CPAMD8: variants seen among roughly 807,000 people sequenced by gnomAD.
CPAMD8 encodes C3 and PZP-like alpha-2-macroglobulin domain-containing protein 8.
In CPAMD8, 146 loss-of-function variants were observed where a neutral mutation model predicts 224.7. The observed-to-expected ratio is 0.65, with a 90% CI of 0.57 to 0.75. The LOEUF is 0.75. Among genes scored for constraint, CPAMD8 ranks in the 30% least tolerant of loss-of-function variants. CPAMD8 has a pLI of 0.00. For synonymous variants in CPAMD8, 966 were observed against 1,044.6 expected, an observed-to-expected ratio of 0.92 and a Z score of 1.45; for missense variants, 2,301 against 2,537.5, an observed-to-expected ratio of 0.91 and a Z score of 2.00.
Position 16,903,779 on chromosome 19 carries a change from G to A in CPAMD8, c.4330C>T (p.Leu1444=). The change falls in exon 33 of 42, where the codon CTG becomes TTG. Residue 1444 remains leucine, a synonymous_variant. Transcript: ENST00000443236. ...TGGTAGTCCAGGTTGGTGGAGGCCA[G>A]GGAGACAGTGAGGTTGATGCCTCCA... ...YAGGINLTVS[L]ASTNLDYQET... 6.2e-7 allele frequency: 1 copy of A among 1,614,142 alleles called. No individual in the cohort carries two copies. Among genetic ancestry groups the A allele is most frequent in the Non-Finnish European group, 8.5e-7 (1 of 1,179,976 alleles).
intron 23 of CPAMD8, among the ~76,000 whole-genome samples, chr19:16,935,735 A>T (rs2053664023): frequency 6.6e-6 from 1 of 152,186 alleles, no homozygotes; most frequent in African/African-American, 2.4e-5. Flanking sequence ...GTGTGAACAT[A>T]AGTCTTTGTT....
In CPAMD8 at chr19:17,012,326, TTTTCTTTC is replaced by T. The variant is rs371903606; in HGVS notation, c.268-577_268-570del. 1.7e-3 allele frequency among the ~76,000 whole-genome samples: 245 copies of T among 145,494 alleles called. 1 individual carries two copies. Among genetic ancestry groups the T allele is most frequent in the East Asian group, 3.0e-3 (15 of 4,968 alleles). ...GAGCCATTGCACCCGGCCATATCTT[TTTTCTTTC>T]TTTCTTTCTTTCTTTCTTTTTTTTT... On this transcript the variant is annotated intron_variant, in intron 3 of 41. Transcript: ENST00000443236.
chr19:16,938,316 A>G (rs1344291750), intron 23 of CPAMD8, 79 bp downstream of exon 23: 8 of 698,266 alleles, frequency 1.1e-5, no homozygotes, highest in Non-Finnish European at 1.9e-5. Flanking sequence ...CAGCCCCCAC[A>G]GTGTGGGAAA....
chr19:16,952,851 T>C (rs1374994970), intron 19 of CPAMD8, among the ~76,000 whole-genome samples: 1 of 152,242 alleles, frequency 6.6e-6, no homozygotes, highest in Non-Finnish European at 1.5e-5. Context: ...CTTTTTATTT[T>C]ATTTTATTTT....
At chr19:16,893,733 T>G (rs1210652748) in intron 41 of CPAMD8, 1 of 185,308 alleles carries the variant, frequency 5.4e-6, no homozygotes, top group African/African-American at 2.3e-5. Flanking sequence ...GAACTCACGG[T>G]GAGGAAGCAC....
chr19:16,897,631 G>C, intron 39 of CPAMD8, 60 bp downstream of exon 39: 1 of 958,552 alleles, frequency 1.0e-6, no homozygotes, highest in Non-Finnish European at 1.5e-6. Flanking sequence ...TGGCGTCCGA[G>C]GGTGGGAGTC....
At chr19:16,951,295 G>A (rs757050434) in intron 20 of CPAMD8, among the ~76,000 whole-genome samples, 9 of 152,004 alleles carry the variant, frequency 5.9e-5, no homozygotes, top group South Asian at 2.1e-4. Context: ...AGGCCAAACC[G>A]GATCCACCAC....
chr19:16,945,642 C>T lies in CPAMD8; in HGVS notation c.2700G>A (p.Arg900=). ...CAGGGTGTTTGCTGGACCTCCCATCCCGGCAGCAATTTGTGTCTCCGTAAG... is the reference window on the plus strand; with the variant it reads ...CAGGGTGTTTGCTGGACCTCCCATCTCGGCAGCAATTTGTGTCTCCGTAAG... The part of the protein sequence containing the change: ...ALAYGDTNCC[R]DGRSSKHPEE... Residue 900 remains arginine, a synonymous_variant, in exon 22 of 42, where the codon CGG becomes CGA. Coordinates refer to ENST00000443236, the MANE Select transcript of CPAMD8 (RefSeq NM_015692.5). 1 of 1,614,172 alleles carries T rather than the reference C, an allele frequency of 6.2e-7. No individual in the cohort carries two copies. The highest frequency in any genetic ancestry group is 2.2e-5 in the East Asian group (1 of 44,884).
At chr19:16,989,547 A>T (rs2055863384) in intron 13 of CPAMD8, 96 bp downstream of exon 13, 1 of 1,475,710 alleles carries the variant, frequency 6.8e-7, no homozygotes, top group African/African-American at 1.4e-5. Flanking sequence ...TCGGCCTCCC[A>T]AAATGCTGGG....
chr19:16,952,092 C>A lies in CPAMD8; in HGVS notation c.2385G>T (p.Glu795Asp). The change falls in exon 20 of 42, where the codon GAG becomes GAT. Residue 795 changes from glutamate to aspartate, a missense_variant. By Grantham distance (45) the Glu-to-Asp change is conservative. Around this residue, in one of 4 missense-constraint regions of CPAMD8, gnomAD observed 1,709 missense variants for 1,753.2 expected, o/e 0.97. Coordinates refer to ENST00000443236, the MANE Select transcript of CPAMD8 (RefSeq NM_015692.5). ...LSTSQGLGIA[E>D]PSLLKTFKPF... ...GCTTGAAGGTCTTCAGCAGGGAGGGCTCGGCGATGCCTAAGCCCTGAGAGG... is the reference window on the plus strand; with the variant it reads ...GCTTGAAGGTCTTCAGCAGGGAGGGATCGGCGATGCCTAAGCCCTGAGAGG... 6 of 1,558,870 alleles carry A rather than the reference C, an allele frequency of 3.8e-6. No individual in the cohort carries two copies. Among genetic ancestry groups the A allele is most frequent in the Non-Finnish European group, 5.2e-6 (6 of 1,150,352 alleles).
intron 27 of CPAMD8, among the ~76,000 whole-genome samples, chr19:16,917,071 G>A (rs1322843180): frequency 6.6e-6 from 1 of 152,120 alleles, no homozygotes; most frequent in East Asian, 1.9e-4. Context: ...AACGCAAACA[G>A]GATAAATGTT....
At chr19:17,005,287 G>A (rs535728524) in intron 7 of CPAMD8, among the ~76,000 whole-genome samples, 41 of 152,198 alleles carry the variant, frequency 2.7e-4, no homozygotes, top group Non-Finnish European at 5.4e-4. Context: ...CTCACCAGAT[G>A]CCAGTTGCAC....
In CPAMD8 at chr19:16,970,842, G is replaced by A. The variant is rs113656313; in HGVS notation, c.2213+49C>T. ...GGAAGGACAAAGACAAGCCCCAGAT[G>A]TTAATAGGACCAGGGTTAGAAAACC... On this transcript the variant is annotated intron_variant, in intron 18 of 41. Coordinates refer to ENST00000443236, the MANE Select transcript of CPAMD8 (RefSeq NM_015692.5). The A allele has an allele frequency of 8.9e-4, 1,410 of 1,581,586 alleles. 14 individuals carry two copies. In the African/African-American group the frequency reaches 0.016, roughly 18 times the overall value.
At chr19:16,999,982 T>G (rs1017388820) in intron 10 of CPAMD8, among the ~76,000 whole-genome samples, 3 of 152,108 alleles carry the variant, frequency 2.0e-5, no homozygotes, top group Admixed American at 2.0e-4. Context: ...CCAGCCAAAT[T>G]GGTGTTTTTT....
chr19:16,973,432 C>T (rs1294768495), intron 17 of CPAMD8, among the ~76,000 whole-genome samples: 1 of 152,026 alleles, frequency 6.6e-6, no homozygotes, highest in African/African-American at 2.4e-5. Context: ...TCACTGTAAC[C>T]TCCGCCTCCC....
intron 26 of CPAMD8, among the ~76,000 whole-genome samples, chr19:16,923,912 C>T (rs2053264493): frequency 6.6e-6 from 1 of 151,754 alleles, no homozygotes; most frequent in Non-Finnish European, 1.5e-5. Context: ...GCTATGATCG[C>T]ACCATTGCAC....
At chr19:16,987,197 T>A (rs2055773874) in intron 13 of CPAMD8, among the ~76,000 whole-genome samples, 2 of 123,572 alleles carry the variant, frequency 1.6e-5, no homozygotes, top group Admixed American at 9.1e-5. Flanking sequence ...TATATATATA[T>A]ATATATATAT....
chr19:16,971,116 G>A, intron 17 of CPAMD8, 83 bp from the exon 18 acceptor site: 1 of 1,256,244 alleles, frequency 8.0e-7, no homozygotes, highest in Non-Finnish European at 1.1e-6. Context: ...GAATCACCCT[G>A]TGGCCACTGT....
intron 26 of CPAMD8, among the ~76,000 whole-genome samples, chr19:16,923,202 T>C (rs1170455595): frequency 2.0e-5 from 3 of 152,044 alleles, no homozygotes; most frequent in Admixed American, 6.5e-5. Context: ...TGCAAGGGCA[T>C]AGGGAGCCAT....
Sources: gnomAD v4.1 joint callset for allele counts (sites outside exome capture counted in the v4.1 genomes callset) on GRCh38, gnomAD v4.1.1 for gene constraint, gnomAD v4.1.1 regional missense constraint, MANE v1.5 for transcripts, NCBI Gene and HGNC (gene_info 2026-07-23, HGNC 2026-07-21) for gene names.